Variants in LDLRAP1 observed in about 807,000 individuals in gnomAD.
The protein encoded by LDLRAP1 is low density lipoprotein receptor adapter protein 1.
In LDLRAP1, 30 loss-of-function variants were observed where a neutral mutation model predicts 37.8. That is an observed-to-expected ratio of 0.79 (90% confidence interval 0.59 to 1.08). The LOEUF (loss-of-function observed/expected upper bound fraction) is 1.08. Ranked by LOEUF, LDLRAP1 falls within the 50% of genes least tolerant of loss-of-function variation. LDLRAP1 has a pLI of 0.00. For missense variants in LDLRAP1, 375 were observed against 401.6 expected, an observed-to-expected ratio of 0.93 and a Z score of 0.57; for synonymous variants, 156 against 169.8, an observed-to-expected ratio of 0.92 and a Z score of 0.63.
the LDLRAP1 span, among the ~76,000 whole-genome samples, chr1:25,578,105 C>A: frequency 6.6e-6 from 1 of 152,210 alleles, no homozygotes; most frequent in South Asian, 2.1e-4. Flanking sequence ...AGAGATCTCA[C>A]CCCAACAGGG....
At chr1:25,581,150 G>T in the LDLRAP1 span, among the ~76,000 whole-genome samples, 1 of 152,284 alleles carries the variant, frequency 6.6e-6, no homozygotes, top group East Asian at 1.9e-4. Flanking sequence ...AGCAAATGGG[G>T]TGTGAGGAAC....
the LDLRAP1 span, among the ~76,000 whole-genome samples, chr1:25,582,458 A>ACG: frequency 1.3e-5 from 2 of 151,364 alleles, no homozygotes; most frequent in African/African-American, 2.4e-5. Flanking sequence ...GGTGGCATGC[A>ACG]CCTGTAGTCC....
the LDLRAP1 span, chr1:25,590,048 A>C: frequency 6.6e-6 from 1 of 152,454 alleles, no homozygotes; most frequent in Non-Finnish European, 1.5e-5. Context: ...GGTTGCAGTG[A>C]GCCAAGATTG....
chr1:25,554,752 A>C lies in LDLRAP1; in HGVS notation c.232-108A>C. On this transcript the variant is annotated intron_variant, in intron 2 of 8. Coordinates refer to ENST00000374338, the MANE Select transcript of LDLRAP1 (RefSeq NM_015627.3). This position sits in a 1 kb window ranked among gnomAD's most constrained non-coding sequence, Gnocchi z 5.4. ...TGCCCACACTGCTGCCAGTCACCTG[A>C]GCTGAGATGGGCCCCGTGCCTGGGG... The C allele has an allele frequency of 1.2e-6, 1 of 829,750 alleles. No individual in the cohort carries two copies. The highest frequency in any genetic ancestry group is 1.4e-5 in the South Asian group (1 of 70,028). The allele number at this position is 829,750 out of a possible 1,614,324, so 51.4% of individuals were successfully genotyped here. A position where few individuals can be genotyped will look rare whatever the true frequency, so the allele number is the denominator to read the frequency against.
the LDLRAP1 span, among the ~76,000 whole-genome samples, chr1:25,578,151 C>CCTCT: frequency 4.0e-5 from 6 of 151,374 alleles, no homozygotes; most frequent in South Asian, 4.2e-4. Flanking sequence ...AGAGTTATTT[C>CCTCT]CTCTCTCTCT....
At chr1:25,557,946 TC>T (rs1470732100) in intron 4 of LDLRAP1, among the ~76,000 whole-genome samples, 1 of 152,118 alleles carries the variant, frequency 6.6e-6, no homozygotes, top group Non-Finnish European at 1.5e-5. Flanking sequence ...TATCTTGCTG[TC>T]AGGGTTAGAG....
rs2043889960 is a variant in LDLRAP1, at chr1:25,544,673, G to T, written c.88+887G>T. Among the ~76,000 whole-genome samples, 1 of 152,074 alleles carries T rather than the reference G, an allele frequency of 6.6e-6. No individual in the cohort carries two copies. The highest frequency in any genetic ancestry group is 2.1e-4 in the South Asian group (1 of 4,824). On this transcript the variant is annotated intron_variant, in intron 1 of 8. Transcript: ENST00000374338. This position sits in a 1 kb window ranked among gnomAD's most constrained non-coding sequence, Gnocchi z 4.8. ...CCTTCCCCTGAAGCCAGAAGACCCA[G>T]CCTAGCGCAGGTCTCGTTGTTTGGG...
intron 4 of LDLRAP1, among the ~76,000 whole-genome samples, chr1:25,559,860 G>C (rs931811599): frequency 6.6e-6 from 1 of 152,226 alleles, no homozygotes; most frequent in Admixed American, 6.5e-5. Flanking sequence ...GGCACCGTCT[G>C]TCCTGGCCTG....
chr1:25,583,192 A>ATTT, the LDLRAP1 span, among the ~76,000 whole-genome samples: 2 of 116,592 alleles, frequency 1.7e-5, no homozygotes, highest in Admixed American at 8.5e-5. Flanking sequence ...TTTTTTGGGG[A>ATTT]TTTTTTTTTT....
At chr1:25,565,488 A>G (rs1275099585) in intron 8 of LDLRAP1, among the ~76,000 whole-genome samples, 1 of 151,648 alleles carries the variant, frequency 6.6e-6, no homozygotes, top group Non-Finnish European at 1.5e-5. Context: ...AGCGAAACAC[A>G]CTGCAGCTCA....
chr1:25,563,194 G>T (rs772229474), intron 6 of LDLRAP1, 41 bp downstream of exon 6: 1 of 1,576,564 alleles, frequency 6.3e-7, no homozygotes, highest in South Asian at 1.1e-5. Context: ...ATGCGGTGTT[G>T]GGGTTGCGCT....
chr1:25,552,143 A>G (rs887418378), intron 1 of LDLRAP1, among the ~76,000 whole-genome samples: 6 of 152,148 alleles, frequency 3.9e-5, no homozygotes, highest in African/African-American at 1.4e-4. Flanking sequence ...GCTCTAGGAT[A>G]GGAGCTGAGA....
chr1:25,573,374 G>A (rs888587291), downstream of LDLRAP1, among the ~76,000 whole-genome samples: 5 of 152,230 alleles, frequency 3.3e-5, no homozygotes, highest in Non-Finnish European at 5.9e-5. Context: ...CTGGCAGGGC[G>A]AGGGTGCAGG....
chr1:25,563,613 A>T, intron 6 of LDLRAP1, 48 bp from the exon 7 acceptor site: 2 of 1,609,448 alleles, frequency 1.2e-6, no homozygotes, highest in Non-Finnish European at 1.7e-6. Context: ...GGGGGCCAGG[A>T]AGGAAGAGGC....
the LDLRAP1 span, among the ~76,000 whole-genome samples, chr1:25,580,488 T>C: frequency 6.6e-6 from 1 of 152,178 alleles, no homozygotes; most frequent in African/African-American, 2.4e-5. Flanking sequence ...ACATTTTGGC[T>C]TCATTATCTC....
In LDLRAP1 at chr1:25,557,188, A is replaced by G. The variant is rs753806649; in HGVS notation, c.380A>G (p.Lys127Arg). ...TGCACAGCAGACAAGATGCACGACA[A>G]GGTGTTTGCATACATCGCCCAGAGC... ...SYCTADKMHD[K>R]VFAYIAQSQH... Residue 127 changes from lysine (K) to arginine (R), a missense_variant, in exon 4 of 9, where the codon AAG becomes AGG. Lys to Arg is a conservative substitution (Grantham distance 26). Coordinates refer to ENST00000374338, the MANE Select transcript of LDLRAP1 (RefSeq NM_015627.3). 58 of 1,613,640 alleles carry G rather than the reference A, an allele frequency of 3.6e-5. 2 individuals are homozygous for G. In the Middle Eastern group the frequency reaches 6.6e-4, roughly 18 times the overall value.
At chr1:25,545,719 C>T (rs376194053) in intron 1 of LDLRAP1, among the ~76,000 whole-genome samples, 27 of 152,300 alleles carry the variant, frequency 1.8e-4, no homozygotes, top group African/African-American at 6.3e-4. Flanking sequence ...CCCCACCTGT[C>T]CCTCGTGATG....
At chr1:25,557,400 A>C in intron 4 of LDLRAP1, 133 bp downstream of exon 4, 1 of 722,462 alleles carries the variant, frequency 1.4e-6, no homozygotes, top group Non-Finnish European at 2.4e-6. Flanking sequence ...AATCTCTGGG[A>C]ACCCCAAGTG....
chr1:25,560,336 T>C (rs1283706087), intron 4 of LDLRAP1, among the ~76,000 whole-genome samples: 1 of 151,992 alleles, frequency 6.6e-6, no homozygotes, highest in African/African-American at 2.4e-5. Flanking sequence ...CATGACCCAT[T>C]GAGGTTGGGG....
Sources: gnomAD v4.1 joint callset for allele counts (sites outside exome capture counted in the v4.1 genomes callset) on GRCh38, gnomAD v4.1.1 for gene constraint, Gnocchi (gnomAD v3.1) non-coding constraint, MANE v1.5 for transcripts, NCBI Gene and HGNC (gene_info 2026-07-23, HGNC 2026-07-21) for gene names.